Variants in ARHGEF26 observed in about 807,000 individuals in gnomAD.
The protein encoded by ARHGEF26 is Rho guanine nucleotide exchange factor 26.
ARHGEF26 carries 59 observed loss-of-function variants against 89.4 expected under a neutral mutation model. The ratio of observed to expected loss-of-function variants is 0.66; its 90% CI spans 0.54 to 0.82. ARHGEF26 has a LOEUF of 0.82. Ranked by LOEUF, ARHGEF26 falls within the 40% of genes least tolerant of loss-of-function variation. The pLI is 0.00. For missense variants in ARHGEF26, 1,234 were observed against 1,085.6 expected (o/e 1.14, Z -1.92); for synonymous variants, 500 against 428.4 (o/e 1.17, Z -2.06).
At chr3:154,228,552 T>C (rs967544335) in intron 11 of ARHGEF26, among the ~76,000 whole-genome samples, 56 of 151,252 alleles carry the variant, frequency 3.7e-4, no homozygotes, top group South Asian at 2.1e-4. Context: ...AAACTAGAAT[T>C]TTTTTTTTGC....
chr3:154,246,575 A>G (rs1717811979), intron 12 of ARHGEF26, among the ~76,000 whole-genome samples: 2 of 152,186 alleles, frequency 1.3e-5, no homozygotes, highest in South Asian at 4.1e-4. Context: ...CTGGTTCTCT[A>G]CCAGAGATAT....
At chr3:154,177,609 G>A (rs1472343335) in intron 6 of ARHGEF26, among the ~76,000 whole-genome samples, 1 of 152,150 alleles carries the variant, frequency 6.6e-6, no homozygotes, top group African/African-American at 2.4e-5. Context: ...CTATAGAGTG[G>A]TTTCGGATTG....
rs1713656888 is a variant in ARHGEF26 at position 154,187,558 on chromosome 3, T to C, written c.1488-127T>C. 3 of 665,048 alleles carry C rather than the reference T, an allele frequency of 4.5e-6. No individual in the cohort carries two copies. In the East Asian group the frequency reaches 9.1e-5, roughly 20 times the overall value. 41.2% of individuals were successfully genotyped at this position (665,048 alleles called of 1,614,324 possible). A position where few individuals can be genotyped will look rare whatever the true frequency, so the allele number is the denominator to read the frequency against. ...AAAATTTTTATAGATTTTAAAAATATTTTTTAGTTGGTACTGTGTACTGTT... is the reference window on the plus strand; with the variant it reads ...AAAATTTTTATAGATTTTAAAAATACTTTTTAGTTGGTACTGTGTACTGTT... On this transcript the variant is annotated intron_variant, in intron 6 of 14. Transcript: ENST00000465093.
At chr3:154,169,668 C>T (rs957226093) in intron 6 of ARHGEF26, among the ~76,000 whole-genome samples, 1 of 152,086 alleles carries the variant, frequency 6.6e-6, no homozygotes, top group Non-Finnish European at 1.5e-5. Context: ...CTGCTGTTGG[C>T]GTGAGTTCAA....
At chr3:154,254,688 T>G in intron 13 of ARHGEF26, 32 bp from the exon 14 acceptor site, 1 of 1,569,180 alleles carries the variant, frequency 6.4e-7, no homozygotes, top group South Asian at 1.1e-5. Context: ...TCTCTGCTAC[T>G]GGAAACTTAG....
rs751613982 is a variant in ARHGEF26, at chr3:154,122,271, T to C, written c.279T>C (p.Asn93=). Residue 93 remains asparagine, a synonymous_variant, in exon 2 of 15, where the codon AAT becomes AAC. Coordinates refer to ENST00000465093, the MANE Select transcript of ARHGEF26 (RefSeq NM_015595.4). ...GCGCCCAGCGGAGAGCGGTGGCCAATGGTGGGACGGCATCCCCGGAGTACA... is the reference window on the plus strand; with the variant it reads ...GCGCCCAGCGGAGAGCGGTGGCCAACGGTGGGACGGCATCCCCGGAGTACA... ...LLGAQRRAVA[N]GGTASPEYRA... 1.9e-6 allele frequency: 3 copies of C among 1,612,418 alleles called. No individual in the cohort carries two copies. Among genetic ancestry groups the C allele is most frequent in the South Asian group, 2.2e-5 (2 of 90,992 alleles).
Position 154,122,698 on chromosome 3 carries a change from A to G in ARHGEF26, c.706A>G (p.Ser236Gly), listed in dbSNP as rs1346122179. ...ELLENPSVVL[S>G]TNSPAALKVG... ...CCTCGAGAATCCTTCCGTGGTTTTG[A>G]GTACAAACAGCCCCGCCGCCCTCAA... Residue 236 changes from serine to glycine, a missense_variant, in exon 2 of 15, where the codon AGT (serine) becomes GGT (glycine). Ser to Gly is a moderately conservative substitution (Grantham distance 56). Transcript: ENST00000465093. 6.2e-7 allele frequency: 1 copy of G among 1,613,784 alleles called. No individual in the cohort carries two copies. Among genetic ancestry groups the G allele is most frequent in the Non-Finnish European group, 8.5e-7 (1 of 1,179,808 alleles).
chr3:154,178,580 T>C (rs1712978035), intron 6 of ARHGEF26, among the ~76,000 whole-genome samples: 1 of 152,234 alleles, frequency 6.6e-6, no homozygotes, highest in Non-Finnish European at 1.5e-5. Context: ...TAAGTACCTT[T>C]CATTGCTGAA....
At chr3:154,158,735 T>C (rs1711508990) in intron 6 of ARHGEF26, among the ~76,000 whole-genome samples, 2 of 152,166 alleles carry the variant, frequency 1.3e-5, no homozygotes, top group African/African-American at 4.8e-5. Flanking sequence ...ATGAATAGGC[T>C]TAATTCATAA....
At chr3:154,160,200 A>T (rs970515578) in intron 6 of ARHGEF26, among the ~76,000 whole-genome samples, 1 of 152,222 alleles carries the variant, frequency 6.6e-6, no homozygotes, top group Non-Finnish European at 1.5e-5. Flanking sequence ...AAGTATTTTC[A>T]CAATACTTCA....
chr3:154,193,667 T>C (rs1242314145), intron 8 of ARHGEF26, among the ~76,000 whole-genome samples: 1 of 152,196 alleles, frequency 6.6e-6, no homozygotes, highest in Admixed American at 6.5e-5. Flanking sequence ...TTTCAGTAAT[T>C]AAAGTGGTTC....
chr3:154,238,582 G>A (rs1279176721), intron 11 of ARHGEF26, among the ~76,000 whole-genome samples: 1 of 152,118 alleles, frequency 6.6e-6, no homozygotes, highest in Non-Finnish European at 1.5e-5. Flanking sequence ...TAGTGTACTG[G>A]ACTAGGCACA....
chr3:154,183,704 G>T (rs1713322317), intron 6 of ARHGEF26, among the ~76,000 whole-genome samples: 1 of 152,148 alleles, frequency 6.6e-6, no homozygotes, highest in Non-Finnish European at 1.5e-5. Flanking sequence ...AAGGTGGGTG[G>T]TTTGGTTTAT....
At chr3:154,185,111 T>G (rs1713440898) in intron 6 of ARHGEF26, among the ~76,000 whole-genome samples, 1 of 152,188 alleles carries the variant, frequency 6.6e-6, no homozygotes, top group Non-Finnish European at 1.5e-5. Flanking sequence ...GGAGTTTTCT[T>G]TGTAGGCCTC....
At chr3:154,125,666 TTTTTTTTG>T (rs1233595087) in intron 3 of ARHGEF26, among the ~76,000 whole-genome samples, 1 of 152,010 alleles carries the variant, frequency 6.6e-6, no homozygotes, top group African/African-American at 2.4e-5. Context: ...AATTTTTAGA[TTTTTTTTG>T]AAGTCAGAGA....
At chr3:154,236,150 C>T (rs568922476) in intron 11 of ARHGEF26, among the ~76,000 whole-genome samples, 45 of 152,166 alleles carry the variant, frequency 3.0e-4, no homozygotes, top group African/African-American at 1.0e-3. Context: ...CAAAGAATGC[C>T]CTCCAGAGAA....
chr3:154,240,847 G>T (rs911246100), intron 12 of ARHGEF26, among the ~76,000 whole-genome samples: 23 of 152,032 alleles, frequency 1.5e-4, no homozygotes, highest in Admixed American at 1.3e-3. Flanking sequence ...TTTATAGAGT[G>T]GTTTAAAAAT....
At chr3:154,168,351 TGGA>T (rs1182402185) in intron 6 of ARHGEF26, among the ~76,000 whole-genome samples, 10 of 151,858 alleles carry the variant, frequency 6.6e-5, no homozygotes, top group Non-Finnish European at 1.3e-4. Context: ...TGGGGGTGGG[TGGA>T]TTGCTTGAGC....
intron 9 of ARHGEF26, among the ~76,000 whole-genome samples, chr3:154,198,685 C>T (rs567104031): frequency 1.9e-4 from 29 of 152,066 alleles, no homozygotes; most frequent in African/African-American, 5.3e-4. Flanking sequence ...TATGAGGATG[C>T]AAAGGCATAA....
Sources: gnomAD v4.1 joint callset for allele counts (sites outside exome capture counted in the v4.1 genomes callset) on GRCh38, gnomAD v4.1.1 for gene constraint, MANE v1.5 for transcripts, NCBI Gene and HGNC (gene_info 2026-07-23, HGNC 2026-07-21) for gene names.